Variants in FAM135B observed in about 807,000 individuals in gnomAD.
The protein encoded by FAM135B is protein FAM135B.
In FAM135B, 43 loss-of-function variants were observed where a neutral mutation model predicts 127.7. The observed-to-expected ratio is 0.34, with a 90% confidence interval of 0.26 to 0.43. FAM135B has a LOEUF of 0.43. Among genes scored for constraint, FAM135B ranks in the 20% least tolerant of loss-of-function variants. The probability of loss-of-function intolerance (pLI) is 1.00; values close to 1 mark genes in which losing one functional copy is unlikely to be tolerated. For missense variants in FAM135B, 1,558 were observed against 1,725.6 expected, an observed-to-expected ratio of 0.90 and a Z score of 1.72; for synonymous variants, 670 against 665.1, an observed-to-expected ratio of 1.01 and a Z score of -0.11.
intron 1 of FAM135B, among the ~76,000 whole-genome samples, chr8:138,463,448 C>T (rs551887868): frequency 1.3e-4 from 20 of 152,186 alleles, no homozygotes; most frequent in Non-Finnish European, 2.6e-4. Context: ...GAGCAAAGTC[C>T]ACTGTAAGAA....
At chr8:138,144,996 T>G (rs576249472) in intron 15 of FAM135B, among the ~76,000 whole-genome samples, 35 of 152,216 alleles carry the variant, frequency 2.3e-4, no homozygotes, top group Admixed American at 4.6e-4. Flanking sequence ...TCCTATTTTA[T>G]TTTAGTTTAG....
chr8:138,262,960 C>T (rs1036063107), intron 4 of FAM135B, among the ~76,000 whole-genome samples: 4 of 146,280 alleles, frequency 2.7e-5, no homozygotes, highest in African/African-American at 5.1e-5. Flanking sequence ...TTAGTAACTA[C>T]GGGACTTCCT....
chr8:138,261,556 T>C (rs944237511), intron 4 of FAM135B, among the ~76,000 whole-genome samples: 1 of 152,224 alleles, frequency 6.6e-6, no homozygotes, highest in African/African-American at 2.4e-5. Context: ...CCCATTCCAT[T>C]GCTAACTTTT....
chr8:138,448,180 T>C (rs1564010975), intron 1 of FAM135B, among the ~76,000 whole-genome samples: 1 of 151,812 alleles, frequency 6.6e-6, no homozygotes, highest in African/African-American at 2.4e-5. Flanking sequence ...TGATGGTTGA[T>C]TTTCTGGGTC....
chr8:138,312,177 C>T (rs886196305), intron 2 of FAM135B, among the ~76,000 whole-genome samples: 1 of 152,080 alleles, frequency 6.6e-6, no homozygotes, highest in African/African-American at 2.4e-5. Flanking sequence ...GAACTCCTGA[C>T]CTCATGATCC....
chr8:138,368,563 T>C (rs978680337), intron 1 of FAM135B, among the ~76,000 whole-genome samples: 1 of 152,202 alleles, frequency 6.6e-6, no homozygotes, highest in Admixed American at 6.5e-5. Context: ...TTTAAAATGA[T>C]TTTATCATTG....
chr8:138,328,087 C>A (rs1191955482), intron 2 of FAM135B, among the ~76,000 whole-genome samples: 1 of 152,052 alleles, frequency 6.6e-6, no homozygotes, highest in Admixed American at 6.5e-5. Context: ...TTTTTATATT[C>A]CTTGGAGAAC....
At chr8:138,337,932 G>A (rs146559185) in intron 2 of FAM135B, among the ~76,000 whole-genome samples, 2 of 151,882 alleles carry the variant, frequency 1.3e-5, no homozygotes, top group Non-Finnish European at 2.9e-5. Context: ...TGGAACAGAA[G>A]AGAGCCCTCA....
chr8:138,206,629 CTAT>C (rs1817673382), intron 7 of FAM135B, among the ~76,000 whole-genome samples: 1 of 149,830 alleles, frequency 6.7e-6, no homozygotes, highest in Non-Finnish European at 1.5e-5. Flanking sequence ...ACACACAACT[CTAT>C]CATCCCCTCC....
chr8:138,280,641 T>A (rs7834117), intron 3 of FAM135B, among the ~76,000 whole-genome samples: 2 of 152,116 alleles, frequency 1.3e-5, no homozygotes, highest in African/African-American at 4.8e-5. Context: ...CTTGGCACAG[T>A]GCTTGGAAAA....
intron 2 of FAM135B, among the ~76,000 whole-genome samples, chr8:138,356,042 G>A (rs1830070687): frequency 6.6e-6 from 1 of 152,146 alleles, no homozygotes; most frequent in Non-Finnish European, 1.5e-5. Flanking sequence ...TCCACCATGT[G>A]ACAGGGCAGC....
At chr8:138,425,906 T>C (rs1427413990) in intron 1 of FAM135B, among the ~76,000 whole-genome samples, 1 of 147,972 alleles carries the variant, frequency 6.8e-6, no homozygotes, top group African/African-American at 2.5e-5. Context: ...CTCAGCACTT[T>C]GGGAGGCCAA....
intron 3 of FAM135B, among the ~76,000 whole-genome samples, chr8:138,308,176 TG>T (rs35164740): frequency 0.075 from 11,346 of 152,190 alleles, 814 homozygotes; most frequent in East Asian, 0.24. Flanking sequence ...TCAGCTATCA[TG>T]TAAGAAGTCT....
At chr8:138,308,134 C>G (rs965410209) in intron 3 of FAM135B, among the ~76,000 whole-genome samples, 1 of 152,076 alleles carries the variant, frequency 6.6e-6, no homozygotes, top group Non-Finnish European at 1.5e-5. Flanking sequence ...CTTAAGTGGC[C>G]TGGAATCCTC....
rs368044912 is a variant in FAM135B at position 138,400,812 on chromosome 8, GTC to G, written c.-19-32812_-19-32811del. 4.0e-3 allele frequency among the ~76,000 whole-genome samples: 613 copies of G among 152,224 alleles called. 6 individuals carry two copies. Among genetic ancestry groups the G allele is most frequent in the African/African-American group, 0.014 (589 of 41,526 alleles). On this transcript the variant is annotated intron_variant, in intron 1 of 19. Transcript: ENST00000395297. ...AACTACTCCAAAATCCATACAATAG[GTC>G]TGTGTTCCAAAACACCAAAATGTAT...
chr8:138,487,158 A>G (rs201915446), intron 1 of FAM135B, among the ~76,000 whole-genome samples: 31 of 152,160 alleles, frequency 2.0e-4, no homozygotes, highest in Non-Finnish European at 7.3e-5. Flanking sequence ...TTTCATTTAC[A>G]TGACCCTGTC....
At chr8:138,248,102 G>A (rs3921487) in intron 6 of FAM135B, among the ~76,000 whole-genome samples, 28 of 152,282 alleles carry the variant, frequency 1.8e-4, no homozygotes, top group African/African-American at 6.5e-4. Flanking sequence ...GAATGGCCAA[G>A]GCTTTTACAT....
chr8:138,230,675 T>C (rs1306548570), intron 7 of FAM135B, among the ~76,000 whole-genome samples: 1 of 152,146 alleles, frequency 6.6e-6, no homozygotes, highest in Non-Finnish European at 1.5e-5. Flanking sequence ...TCACCATTAT[T>C]CTTATTCTTA....
intron 2 of FAM135B, among the ~76,000 whole-genome samples, chr8:138,358,985 G>A (rs1830252993): frequency 1.3e-5 from 2 of 151,954 alleles, no homozygotes; most frequent in Non-Finnish European, 2.9e-5. Flanking sequence ...AGGATAAAAG[G>A]CTCAAAGCAG....
Sources: gnomAD v4.1 joint callset for allele counts (sites outside exome capture counted in the v4.1 genomes callset) on GRCh38, gnomAD v4.1.1 for gene constraint, MANE v1.5 for transcripts, NCBI Gene and HGNC (gene_info 2026-07-23, HGNC 2026-07-21) for gene names.